PSMB1: variants seen among roughly 807,000 people sequenced by gnomAD.
PSMB1 encodes proteasome 20S subunit beta 1.
A neutral mutation model predicts 25.4 loss-of-function variants in PSMB1; 7 were observed. The ratio of observed to expected loss-of-function variants is 0.28; its 90% CI spans 0.16 to 0.52. The LOEUF (loss-of-function observed/expected upper bound fraction) is 0.52. Among genes scored for constraint, PSMB1 ranks in the 20% least tolerant of loss-of-function variants. The probability of loss-of-function intolerance (pLI) is 0.97; values close to 1 mark genes in which losing one functional copy is unlikely to be tolerated. For missense variants in PSMB1, 284 were observed against 302.2 expected, an observed-to-expected ratio of 0.94 and a Z score of 0.45; for synonymous variants, 119 against 115.0, an observed-to-expected ratio of 1.03 and a Z score of -0.22.
rs1383883565 is a variant in PSMB1, at chr6:170,545,852, C to T, written c.303+251G>A. On this transcript the variant is annotated intron_variant, in intron 3 of 5. Coordinates refer to ENST00000262193, the MANE Select transcript of PSMB1 (RefSeq NM_002793.4). The stretch of plus-strand genomic sequence containing the variant: ...TCAGAAGAAGAACTCCTCCCAGGCT[C>T]CTTCTAAAAGGGTAGAGAACCCTTC... 2.6e-5 allele frequency among the ~76,000 whole-genome samples: 4 copies of T among 152,304 alleles called. No individual in the cohort carries two copies. The South Asian group carries it at 6.2e-4, about 24-fold the overall frequency.
intron 3 of PSMB1, among the ~76,000 whole-genome samples, chr6:170,544,373 T>C (rs753853690): frequency 1.4e-4 from 22 of 152,254 alleles, no homozygotes; most frequent in Non-Finnish European, 1.0e-4. Context: ...ACATCTACAG[T>C]AGAGAACACA....
intron 4 of PSMB1, among the ~76,000 whole-genome samples, chr6:170,538,935 A>G (rs797006535): frequency 2.0e-5 from 3 of 152,208 alleles, no homozygotes; most frequent in Non-Finnish European, 4.4e-5. Flanking sequence ...CTGAGGCCCA[A>G]AAGCTTTACC....
chr6:170,543,227 G>C (rs1583114499), intron 4 of PSMB1, among the ~76,000 whole-genome samples: 1 of 152,186 alleles, frequency 6.6e-6, no homozygotes, highest in African/African-American at 2.4e-5. Context: ...ATGACTTCTA[G>C]AACCGTTAAA....
At chr6:170,535,649 A>C (rs1208201448) in intron 5 of PSMB1, among the ~76,000 whole-genome samples, 1 of 152,220 alleles carries the variant, frequency 6.6e-6, no homozygotes, top group African/African-American at 2.4e-5. Flanking sequence ...GGAGAGGTGG[A>C]CGTATGCAAG....
intron 1 of PSMB1, among the ~76,000 whole-genome samples, chr6:170,550,865 G>A (rs1038654416): frequency 2.2e-5 from 3 of 138,842 alleles, no homozygotes; most frequent in East Asian, 2.4e-4. Flanking sequence ...GGCCGGGCAC[G>A]GTGGCTCACA....
At chr6:170,552,274 G>C (rs971323947) in intron 1 of PSMB1, among the ~76,000 whole-genome samples, 1 of 152,140 alleles carries the variant, frequency 6.6e-6, no homozygotes, top group Non-Finnish European at 1.5e-5. Context: ...ATATTTTAAT[G>C]TACAAGGCTT....
At chr6:170,540,127 C>CA (rs1778740194) in intron 4 of PSMB1, among the ~76,000 whole-genome samples, 1 of 152,082 alleles carries the variant, frequency 6.6e-6, no homozygotes, top group Non-Finnish European at 1.5e-5. Flanking sequence ...AGATTAAAGA[C>CA]AGAGAGGTTA....
chr6:170,547,322 A>C (rs560674364), intron 2 of PSMB1, among the ~76,000 whole-genome samples: 1 of 152,372 alleles, frequency 6.6e-6, no homozygotes, highest in South Asian at 2.1e-4. Flanking sequence ...AAAACAAAAC[A>C]AAACCTAAAT....
intron 3 of PSMB1, among the ~76,000 whole-genome samples, chr6:170,544,840 T>C (rs1778798105): frequency 6.6e-6 from 1 of 152,132 alleles, no homozygotes; most frequent in African/African-American, 2.4e-5. Context: ...AGATAAAAAC[T>C]ATAAAAAATT....
At chr6:170,537,694 G>A (rs1778711714) in intron 4 of PSMB1, among the ~76,000 whole-genome samples, 1 of 152,204 alleles carries the variant, frequency 6.6e-6, no homozygotes, top group African/African-American at 2.4e-5. Flanking sequence ...ATGATCTTCA[G>A]GTAAAGATGA....
Position 170,546,134 on chromosome 6 carries a change from G to C in PSMB1, c.272C>G (p.Thr91Arg). Residue 91 changes from threonine to arginine, a missense_variant, in exon 3 of 6, where the codon ACG (threonine) becomes AGG (arginine). Physicochemically the swap from Thr to Arg is moderately conservative, Grantham distance 71 (BLOSUM62 -1). Transcript: ENST00000262193. ...GCSGFHGDCL[T>R]LTKIIEARLK... The stretch of plus-strand genomic sequence containing the variant: ...TCTTGCTTCAATAATCTTTGTCAGC[G>C]TAAGACAGTCTCCATGAAAACCGCT... 2 of 1,613,848 alleles carry C rather than the reference G, an allele frequency of 1.2e-6. No individual in the cohort carries two copies. Among genetic ancestry groups the C allele is most frequent in the Non-Finnish European group, 1.7e-6 (2 of 1,179,886 alleles).
Position 170,549,007 on chromosome 6 carries a change from A to C in PSMB1, c.220T>G (p.Leu74Val). ...HTRDSPKCYK[L>V]TDKTVIGCSG... ...ATGTCTTTAGAAATATTTACTTACA[A>C]TTTGTAACATTTGGGGCTATCCCGC... Residue 74 changes from leucine (L) to valine (V), a missense_variant and splice_region_variant, in exon 2 of 6, where the codon TTA (leucine) becomes GTA (valine). By Grantham distance (32) the Leu-to-Val change is conservative. Transcript: ENST00000262193. 1 of 1,591,584 alleles carries C rather than the reference A, an allele frequency of 6.3e-7. No homozygotes were observed. Among genetic ancestry groups the C allele is most frequent in the Non-Finnish European group, 8.6e-7 (1 of 1,159,664 alleles).
At chr6:170,546,311 C>T in intron 2 of PSMB1, 127 bp from the exon 3 acceptor site, 2 of 718,124 alleles carry the variant, frequency 2.8e-6, no homozygotes, top group South Asian at 3.4e-5. Context: ...AACAGTCACC[C>T]TTCTGGGGAG....
chr6:170,549,289 T>G (rs893552964), intron 1 of PSMB1, 176 bp from the exon 2 acceptor site: 7 of 503,114 alleles, frequency 1.4e-5, no homozygotes, highest in Non-Finnish European at 2.1e-5. Flanking sequence ...ACGAGTTGTC[T>G]GGGAAAAAAA....
At chr6:170,550,917 G>A (rs970325661) in intron 1 of PSMB1, among the ~76,000 whole-genome samples, 1 of 117,636 alleles carries the variant, frequency 8.5e-6, no homozygotes, top group Non-Finnish European at 1.8e-5. Flanking sequence ...GGGGGGGGGG[G>A]GGTCAATTGC....
intron 1 of PSMB1, 29 bp from the exon 2 acceptor site, chr6:170,549,142 C>T (rs372412728): frequency 2.1e-5 from 29 of 1,359,012 alleles, no homozygotes; most frequent in Non-Finnish European, 2.9e-5. Context: ...AATTAATTCT[C>T]CAGGGTGGTA....
intron 4 of PSMB1, among the ~76,000 whole-genome samples, chr6:170,540,939 G>C (rs531976338): frequency 6.6e-6 from 1 of 152,128 alleles, no homozygotes; most frequent in South Asian, 2.1e-4. Context: ...GGGTAGGGGA[G>C]GAGGAGAGGA....
At chr6:170,548,391 GTTTTT>G (rs1204195123) in intron 2 of PSMB1, among the ~76,000 whole-genome samples, 2 of 151,582 alleles carry the variant, frequency 1.3e-5, no homozygotes, top group Non-Finnish European at 2.9e-5. Flanking sequence ...CAGGCTTTTT[GTTTTT>G]TTAAGTTTTG....
chr6:170,546,299 C>G, intron 2 of PSMB1, 115 bp from the exon 3 acceptor site: 1 of 780,896 alleles, frequency 1.3e-6, no homozygotes, highest in Non-Finnish European at 2.1e-6. Context: ...GGTAATGGGA[C>G]AAACAGTCAC....
Sources: allele counts gnomAD v4.1 joint callset (sites outside exome capture counted in the v4.1 genomes callset), GRCh38; gene constraint gnomAD v4.1.1; transcripts MANE v1.5; gene names NCBI Gene and HGNC (gene_info 2026-07-23, HGNC 2026-07-21).